CUBN: variants seen among roughly 807,000 people sequenced by gnomAD.
The protein encoded by CUBN is cubilin.
A neutral mutation model predicts 405.3 loss-of-function variants in CUBN; 282 were observed. The observed-to-expected ratio is 0.70, with a 90% CI of 0.63 to 0.77. CUBN has a LOEUF of 0.77. Ranked by LOEUF, CUBN falls within the 30% of genes least tolerant of loss-of-function variation. The pLI is 0.00. For missense variants in CUBN, 4,514 were observed against 4,475.2 expected, an observed-to-expected ratio of 1.01 and a Z score of -0.25; for synonymous variants, 1,684 against 1,617.0, an observed-to-expected ratio of 1.04 and a Z score of -0.99.
At chr10:16,859,168 G>A (rs1352174954) in intron 59 of CUBN, among the ~76,000 whole-genome samples, 3 of 151,898 alleles carry the variant, frequency 2.0e-5, no homozygotes, top group Admixed American at 6.6e-5. Flanking sequence ...GCCAATATAA[G>A]GCAAGAAAAT....
chr10:16,950,383 A>T (rs1842896056), intron 33 of CUBN, among the ~76,000 whole-genome samples: 1 of 152,206 alleles, frequency 6.6e-6, no homozygotes, highest in Non-Finnish European at 1.5e-5. Flanking sequence ...GGATTATTTC[A>T]CATTGCATGC....
At chr10:16,878,773 G>T (rs1219890493) in intron 56 of CUBN, among the ~76,000 whole-genome samples, 1 of 152,126 alleles carries the variant, frequency 6.6e-6, no homozygotes, top group Non-Finnish European at 1.5e-5. Flanking sequence ...CGCCTCTATG[G>T]ATTTGTCTAC....
intron 15 of CUBN, among the ~76,000 whole-genome samples, chr10:17,086,426 T>C (rs1325676248): frequency 1.3e-5 from 2 of 152,196 alleles, no homozygotes; most frequent in South Asian, 2.1e-4. Flanking sequence ...ACACCATTGA[T>C]GCCAACTGAT....
chr10:17,003,119 T>TA (rs2131743190), intron 28 of CUBN, among the ~76,000 whole-genome samples: 1 of 152,338 alleles, frequency 6.6e-6, no homozygotes, highest in South Asian at 2.1e-4. Flanking sequence ...TCTCTTAACT[T>TA]AAACAGAGCT....
chr10:16,934,358 C>G (rs972184721), intron 39 of CUBN, among the ~76,000 whole-genome samples: 1 of 152,144 alleles, frequency 6.6e-6, no homozygotes, highest in Admixed American at 6.5e-5. Context: ...AAGTTTACAA[C>G]TTGTACACCA....
intron 58 of CUBN, among the ~76,000 whole-genome samples, chr10:16,873,392 C>T (rs1452122120): frequency 6.6e-6 from 1 of 152,086 alleles, no homozygotes; most frequent in Non-Finnish European, 1.5e-5. Context: ...TGTTCTGACA[C>T]AGGTATAAAA....
At chr10:16,839,531 A>G (rs1839276874) in intron 62 of CUBN, among the ~76,000 whole-genome samples, 2 of 127,946 alleles carry the variant, frequency 1.6e-5, no homozygotes, top group African/African-American at 4.9e-5. Context: ...ATCTCACACC[A>G]GTTAGAATGG....
chr10:16,855,506 T>C (rs1298284871), intron 59 of CUBN, among the ~76,000 whole-genome samples: 3 of 152,138 alleles, frequency 2.0e-5, no homozygotes, highest in Non-Finnish European at 4.4e-5. Flanking sequence ...AGTGGATTCA[T>C]GTGGAGCAGA....
At chr10:16,930,747 G>A (rs1273151987) in intron 40 of CUBN, among the ~76,000 whole-genome samples, 1 of 152,142 alleles carries the variant, frequency 6.6e-6, no homozygotes, top group East Asian at 1.9e-4. Context: ...CAAGAATGCT[G>A]CATGACCCTC....
At chr10:16,926,802 T>A (rs1842200741) in intron 41 of CUBN, among the ~76,000 whole-genome samples, 2 of 114,082 alleles carry the variant, frequency 1.8e-5, no homozygotes. Flanking sequence ...AAAGGTGAAA[T>A]TTTTTTTTCT....
Position 16,874,502 on chromosome 10 carries a change from G to A in CUBN, c.9108C>T (p.Ser3036=), listed in dbSNP as rs1840446455. The A allele has an allele frequency of 1.9e-6, 3 of 1,614,118 alleles. No individual in the cohort carries two copies. The highest frequency in any genetic ancestry group is 1.6e-4 in the Middle Eastern group (1 of 6,062). The change falls in exon 58 of 67, where the codon TCC becomes TCT. Residue 3036 remains serine, a splice_region_variant and synonymous_variant. Coordinates refer to ENST00000377833, the MANE Select transcript of CUBN (RefSeq NM_001081.4). ...FGFKFSYRII[S]CGGVFNFSSG... The stretch of plus-strand genomic sequence containing the variant: ...AAGAGAAATTGAACACACCACCACA[G>A]GCTGCAACAGAAGACAAGGGAATAT...
chr10:17,034,619 T>G (rs1434155988), intron 27 of CUBN, among the ~76,000 whole-genome samples: 1 of 152,150 alleles, frequency 6.6e-6, no homozygotes, highest in Non-Finnish European at 1.5e-5. Flanking sequence ...GGACTAGGAA[T>G]AAATTTTTCT....
intron 32 of CUBN, among the ~76,000 whole-genome samples, chr10:16,952,822 G>T (rs1369194600): frequency 1.3e-5 from 2 of 152,204 alleles, no homozygotes; most frequent in Non-Finnish European, 2.9e-5. Flanking sequence ...AAAATTCGAT[G>T]TGAGTCTTGA....
At chr10:17,123,720 G>A (rs1564524592) in intron 4 of CUBN, 31 bp from the exon 5 acceptor site, 6 of 1,514,674 alleles carry the variant, frequency 4.0e-6, no homozygotes, top group Non-Finnish European at 4.6e-6. Context: ...TCAATGAGAT[G>A]ACTTGCAGTC....
chr10:17,004,573 C>T lies in CUBN; in HGVS notation c.4169-14058G>A, dbSNP rs189141368. ...CACCACCATGCACCAAATCATACAC[C>T]GCAGGAAAACGGGAGCTATCCATGA... On this transcript the variant is annotated intron_variant, in intron 28 of 66. Coordinates refer to ENST00000377833, the MANE Select transcript of CUBN (RefSeq NM_001081.4). Among the ~76,000 whole-genome samples the T allele has an allele frequency of 4.1e-4, 63 of 152,190 alleles. 1 individual carries two copies. The highest frequency in any genetic ancestry group is 1.4e-3 in the African/African-American group (58 of 41,526).
chr10:16,928,339 T>C (rs1218505068), intron 40 of CUBN, 36 bp from the exon 41 acceptor site: 1 of 1,608,892 alleles, frequency 6.2e-7, no homozygotes, highest in Non-Finnish European at 8.5e-7. Flanking sequence ...TGAAAATACA[T>C]CTTGAGAATC....
chr10:16,871,896 G>A (rs924500061), intron 58 of CUBN, among the ~76,000 whole-genome samples: 2 of 152,106 alleles, frequency 1.3e-5, no homozygotes, highest in Non-Finnish European at 2.9e-5. Flanking sequence ...TTCCTAGAAT[G>A]TAGGCTCTTA....
intron 27 of CUBN, among the ~76,000 whole-genome samples, chr10:17,034,422 C>T (rs1427104505): frequency 6.6e-6 from 1 of 152,034 alleles, no homozygotes; most frequent in Non-Finnish European, 1.5e-5. Flanking sequence ...TAATAGCAGG[C>T]AAATGTATGT....
chr10:17,100,265 T>A (rs1469404766), intron 13 of CUBN, 26 bp from the exon 14 acceptor site: 1 of 1,375,126 alleles, frequency 7.3e-7, no homozygotes, highest in South Asian at 1.2e-5. Context: ...CCACATATAT[T>A]ATCTTTTACT....
Sources: gnomAD v4.1 joint callset for allele counts (sites outside exome capture counted in the v4.1 genomes callset) on GRCh38, gnomAD v4.1.1 for gene constraint, MANE v1.5 for transcripts, NCBI Gene and HGNC (gene_info 2026-07-23, HGNC 2026-07-21) for gene names.